MATR3: variants seen among roughly 807,000 people sequenced by gnomAD.
MATR3 encodes matrin-3.
MATR3 carries 4 observed loss-of-function variants against 85.5 expected under a neutral mutation model. That is an observed-to-expected ratio of 0.05 (90% CI 0.02 to 0.11). The LOEUF (loss-of-function observed/expected upper bound fraction) is 0.11. Ranked by LOEUF, MATR3 falls within the 10% of genes least tolerant of loss-of-function variation. MATR3 has a pLI of 1.00. For missense variants in MATR3, 685 were observed against 1,016.1 expected, an observed-to-expected ratio of 0.67 and a Z score of 4.43; for synonymous variants, 336 against 343.1, an observed-to-expected ratio of 0.98 and a Z score of 0.23.
chr5:139,322,157 AAAGAGAAC>A (rs1223814700), intron 10 of MATR3, 128 bp downstream of exon 10: 24 of 1,171,632 alleles, frequency 2.0e-5, no homozygotes. Flanking sequence ...TAAGTTATTG[AAAGAGAAC>A]AACCTTTTTT....
intron 5 of MATR3, among the ~76,000 whole-genome samples, chr5:139,316,503 C>A (rs940453958): frequency 1.3e-5 from 2 of 152,078 alleles, no homozygotes; most frequent in African/African-American, 4.8e-5. Flanking sequence ...GCCTCAGCCT[C>A]CAAAGTGCTA....
At chr5:139,314,201 G>A (rs1353456380) in intron 2 of MATR3, 1 of 177,862 alleles carries the variant, frequency 5.6e-6, no homozygotes, top group African/African-American at 2.4e-5. Flanking sequence ...ATAGGCATGA[G>A]CCACCATGCT....
chr5:139,276,158 C>A lies in MATR3; in HGVS notation c.-257+8C>A, dbSNP rs919325288. 1.8e-5 allele frequency: 8 copies of A among 456,584 alleles called. No individual in the cohort carries two copies. Among genetic ancestry groups the A allele is most frequent in the African/African-American group, 1.6e-4 (8 of 50,062 alleles). 28.3% of individuals were successfully genotyped at this position (456,584 alleles called of 1,614,324 possible). Reference sequence around the variant, plus strand: ...TGGCAGATGCAACTGCAGGTGAGTGCAACCCCTTCAGCTCTCTTGGCTCCA... The same window carrying A: ...TGGCAGATGCAACTGCAGGTGAGTGAAACCCCTTCAGCTCTCTTGGCTCCA... On this transcript the variant is annotated splice_region_variant and intron_variant, in intron 2 of 16. Transcript: ENST00000509990.
chr5:139,286,039 T>TA (rs1419074570), intron 3 of MATR3, among the ~76,000 whole-genome samples: 2 of 152,172 alleles, frequency 1.3e-5, no homozygotes, highest in Non-Finnish European at 2.9e-5. Context: ...CCAAATATAT[T>TA]AAAGATATCT....
intron 2 of MATR3, chr5:139,276,182 C>T (rs1386926031): frequency 2.2e-6 from 1 of 456,692 alleles, no homozygotes; most frequent in Non-Finnish European, 4.4e-6. Flanking sequence ...CTCTTGGCTC[C>T]AGCTGTAGGC....
intron 1 of MATR3, among the ~76,000 whole-genome samples, chr5:139,301,343 A>C (rs1410829095): frequency 6.7e-6 from 1 of 149,730 alleles, no homozygotes; most frequent in Non-Finnish European, 1.5e-5. Context: ...TATTTGAGAC[A>C]GAGTCTCACT....
Position 139,329,565 on chromosome 5 carries a change from TAC to T in MATR3, c.*174_*175del. The T allele has an allele frequency of 1.6e-6, 1 of 638,838 alleles. No homozygotes were observed. The highest frequency in any genetic ancestry group is 2.8e-6 in the Non-Finnish European group (1 of 352,580). 39.6% of individuals were successfully genotyped at this position (638,838 alleles called of 1,614,324 possible). On this transcript the variant is annotated 3_prime_UTR_variant, in exon 15 of 15. Transcript: ENST00000394805. Reference sequence around the variant, plus strand: ...GTGTTAAGTGTTATAGCAAAAAAAATACACATATGGTTAAGTTAATGAATAGT... The same window carrying T: ...GTGTTAAGTGTTATAGCAAAAAAAATACATATGGTTAAGTTAATGAATAGT...
chr5:139,322,273 G>A (rs1468737852), intron 10 of MATR3, among the ~76,000 whole-genome samples, 190 bp from the exon 11 acceptor site: 1 of 152,172 alleles, frequency 6.6e-6, no homozygotes, highest in Non-Finnish European at 1.5e-5. Flanking sequence ...TCTGCTACCA[G>A]AATGTTTTAT....
At chr5:139,305,882 C>A (rs1754681422) in intron 1 of MATR3, among the ~76,000 whole-genome samples, 1 of 152,228 alleles carries the variant, frequency 6.6e-6, no homozygotes, top group South Asian at 2.1e-4. Flanking sequence ...TTTTTTTATA[C>A]TTCCTTTGCC....
At chr5:139,288,675 CTG>C (rs1207920733) in intron 3 of MATR3, among the ~76,000 whole-genome samples, 4 of 152,002 alleles carry the variant, frequency 2.6e-5, no homozygotes, top group Admixed American at 2.6e-4. Context: ...GAGTCTCACT[CTG>C]TCGCCCAGGC....
chr5:139,290,147 C>T (rs1241640799), upstream of MATR3, among the ~76,000 whole-genome samples: 1 of 151,910 alleles, frequency 6.6e-6, no homozygotes, highest in Non-Finnish European at 1.5e-5. Context: ...GATTGGCGCT[C>T]AGGCCTCTTT....
At position 139,318,970 on chromosome 5, in the gene MATR3, A is replaced by T. The variant is rs1581250414; in HGVS notation, c.1371A>T (p.Thr457=). ...AQAAVDYYTT[T]PALVFGKPVR... is the part of the protein sequence containing the mutation. ...CCGCAGTGGATTATTACACAACCAC[A>T]CCAGCGTTAGTATTTGGCAAGCCAG... The change falls in exon 8 of 15, where the codon ACA becomes ACT. Residue 457 remains threonine (T), a synonymous_variant. Coordinates refer to ENST00000394805, the MANE Select transcript of MATR3 (RefSeq NM_018834.6). The T allele has an allele frequency of 6.2e-7, 1 of 1,613,866 alleles. No individual in the cohort carries two copies. Among genetic ancestry groups the T allele is most frequent in the East Asian group, 2.2e-5 (1 of 44,900 alleles).
At chr5:139,302,037 A>G (rs1482879638) in intron 1 of MATR3, among the ~76,000 whole-genome samples, 1 of 152,192 alleles carries the variant, frequency 6.6e-6, no homozygotes, top group Non-Finnish European at 1.5e-5. Context: ...GCACTTGAAA[A>G]TATTCATGCT....
At chr5:139,315,523 G>T (rs1189941531) in intron 3 of MATR3, 174 bp from the exon 4 acceptor site, 2 of 545,708 alleles carry the variant, frequency 3.7e-6, no homozygotes, top group Non-Finnish European at 6.6e-6. Flanking sequence ...TTATTTTGAA[G>T]TTCTGAAATT....
intron 5 of MATR3, 70 bp from the exon 6 acceptor site, chr5:139,316,983 T>A (rs1482027638): frequency 7.8e-7 from 1 of 1,278,870 alleles, no homozygotes; most frequent in Non-Finnish European, 1.1e-6. Context: ...AGATGCACGT[T>A]TTTCAGTAAA....
chr5:139,318,559 C>T (rs936828821), intron 7 of MATR3, among the ~76,000 whole-genome samples: 2 of 152,086 alleles, frequency 1.3e-5, no homozygotes, highest in African/African-American at 4.8e-5. Flanking sequence ...CCTGCCTCAG[C>T]CTCCTCCCAA....
At chr5:139,320,914 ATTTTTTTT>A (rs5871694) in intron 9 of MATR3, among the ~76,000 whole-genome samples, 4 of 118,238 alleles carry the variant, frequency 3.4e-5, no homozygotes, top group Non-Finnish European at 7.0e-5. Flanking sequence ...CGCCTGGCTA[ATTTTTTTT>A]TTTTTTTTTT....
chr5:139,301,323 C>T (rs1007310261), intron 1 of MATR3, among the ~76,000 whole-genome samples: 1 of 151,562 alleles, frequency 6.6e-6, no homozygotes, highest in African/African-American at 2.4e-5. Flanking sequence ...AGAATGGAGC[C>T]TTTTTTCTTT....
intron 2 of MATR3, chr5:139,311,126 C>T (rs1754949324): frequency 6.6e-6 from 1 of 152,156 alleles, no homozygotes; most frequent in Non-Finnish European, 1.5e-5. Flanking sequence ...CAATCTCAAG[C>T]TTTCTCAGCT....
Sources: allele counts gnomAD v4.1 joint callset (sites outside exome capture counted in the v4.1 genomes callset), GRCh38; gene constraint gnomAD v4.1.1; transcripts MANE v1.5; gene names NCBI Gene and HGNC (gene_info 2026-07-23, HGNC 2026-07-21).